Variants in MYO9A observed in about 807,000 individuals in gnomAD.
MYO9A encodes the protein myosin IXA.
A neutral mutation model predicts 293.3 loss-of-function variants in MYO9A; 103 were observed. That is an observed-to-expected ratio of 0.35 (90% confidence interval 0.30 to 0.41). The LOEUF (loss-of-function observed/expected upper bound fraction) is 0.41. MYO9A is among the 10% of genes least tolerant of loss of function. The probability of loss-of-function intolerance (pLI) is 1.00; values close to 1 mark genes in which losing one functional copy is unlikely to be tolerated. For missense variants in MYO9A, 2,685 were observed against 3,033.0 expected, an observed-to-expected ratio of 0.89 and a Z score of 2.69; for synonymous variants, 1,001 against 1,035.7, an observed-to-expected ratio of 0.97 and a Z score of 0.64.
At chr15:71,937,236 T>C (rs774058998) in intron 16 of MYO9A, among the ~76,000 whole-genome samples, 6 of 152,242 alleles carry the variant, frequency 3.9e-5, no homozygotes, top group South Asian at 4.1e-4. Context: ...TTTGAGAGGA[T>C]TGACTCCAAT....
At chr15:72,023,695 C>CAAAAAAAAA (rs368209775) in intron 4 of MYO9A, among the ~76,000 whole-genome samples, 1 of 51,300 alleles carries the variant, frequency 1.9e-5, no homozygotes, top group African/African-American at 5.8e-5. Context: ...AACTCTGTCT[C>CAAAAAAAAA]AAAAAAAAAA....
At chr15:71,954,179 C>T (rs1019295098) in intron 14 of MYO9A, among the ~76,000 whole-genome samples, 3 of 151,286 alleles carry the variant, frequency 2.0e-5, no homozygotes, top group African/African-American at 7.3e-5. Flanking sequence ...CAGGCATGAG[C>T]CACTGTGCCC....
At chr15:71,830,974 T>G in intron 39 of MYO9A, among the ~76,000 whole-genome samples, 1 of 69,422 alleles carries the variant, frequency 1.4e-5, no homozygotes, top group South Asian at 4.4e-4. Flanking sequence ...TGCTTCTTCC[T>G]TTTTTTTTTT....
At chr15:72,019,773 G>A (rs1005139878) in intron 5 of MYO9A, among the ~76,000 whole-genome samples, 3 of 151,628 alleles carry the variant, frequency 2.0e-5, no homozygotes, top group East Asian at 1.9e-4. Context: ...TTTTTGAGAC[G>A]GAGTCTCGCT....
chr15:71,970,068 T>C (rs573327994), intron 12 of MYO9A, among the ~76,000 whole-genome samples: 6 of 152,348 alleles, frequency 3.9e-5, no homozygotes, highest in African/African-American at 1.2e-4. Context: ...CTGCCTTAAA[T>C]GAATGCTCTA....
intron 14 of MYO9A, among the ~76,000 whole-genome samples, chr15:71,957,013 G>A (rs1195481225): frequency 6.6e-6 from 1 of 151,822 alleles, no homozygotes; most frequent in Admixed American, 6.6e-5. Context: ...TGGAACATTT[G>A]GGTTGTCTCT....
intron 27 of MYO9A, among the ~76,000 whole-genome samples, chr15:71,887,784 G>A (rs1023573354): frequency 6.6e-6 from 1 of 152,034 alleles, no homozygotes; most frequent in Non-Finnish European, 1.5e-5. Context: ...AACTTATGAG[G>A]GTTGAGGGAA....
At chr15:71,905,762 CAAAAAAAAAA>C (rs3086807) in intron 19 of MYO9A, among the ~76,000 whole-genome samples, 10 of 71,910 alleles carry the variant, frequency 1.4e-4, no homozygotes, top group East Asian at 5.1e-4. Flanking sequence ...GACTCTGTCT[CAAAAAAAAAA>C]AAAAAAAAAA....
At chr15:72,047,040 G>A (rs552817529) in intron 1 of MYO9A, among the ~76,000 whole-genome samples, 3 of 152,114 alleles carry the variant, frequency 2.0e-5, no homozygotes, top group East Asian at 1.9e-4. Context: ...ATTTCTTAAG[G>A]ATAAAGCAAA....
intron 6 of MYO9A, among the ~76,000 whole-genome samples, chr15:72,012,358 G>A (rs534415601): frequency 5.9e-5 from 9 of 151,964 alleles, no homozygotes; most frequent in South Asian, 2.1e-4. Context: ...GCAATGACGC[G>A]ATGTCTGCTC....
intron 1 of MYO9A, among the ~76,000 whole-genome samples, chr15:72,077,190 A>T (rs544813258): frequency 6.6e-6 from 1 of 152,276 alleles, no homozygotes; most frequent in African/African-American, 2.4e-5. Context: ...ATAAGAGAAA[A>T]TCTTGCTAAT....
At chr15:72,102,766 C>T (rs2080401157) in intron 1 of MYO9A, among the ~76,000 whole-genome samples, 1 of 151,820 alleles carries the variant, frequency 6.6e-6, no homozygotes, top group Non-Finnish European at 1.5e-5. Flanking sequence ...ACATTTTTCC[C>T]TTGAGATGAG....
intron 1 of MYO9A, among the ~76,000 whole-genome samples, chr15:72,046,990 G>T (rs2149703011): frequency 6.6e-6 from 1 of 152,256 alleles, no homozygotes; most frequent in Non-Finnish European, 1.5e-5. Context: ...ACTGGATTAA[G>T]ACAGAATAAC....
At chr15:72,038,308 T>C (rs1414718323) in intron 2 of MYO9A, among the ~76,000 whole-genome samples, 3 of 151,498 alleles carry the variant, frequency 2.0e-5, no homozygotes, top group Admixed American at 6.6e-5. Flanking sequence ...TTTAAAAGAG[T>C]TGAAGCTATA....
In MYO9A at chr15:71,919,821, G is replaced by A. The variant is rs549295446; in HGVS notation, c.2563-3329C>T. On this transcript the variant is annotated intron_variant, in intron 18 of 41. Coordinates refer to ENST00000356056, the MANE Select transcript of MYO9A (RefSeq NM_006901.4). ...CGCACCACTGCACTCCAGCCAGGGC[G>A]ACAGAATAAGACTCCATCTCAAAAA... Among the ~76,000 whole-genome samples the A allele has an allele frequency of 7.6e-5, 8 of 105,442 alleles. No homozygotes were observed. The South Asian group carries it at 2.0e-3, about 26-fold the overall frequency. The allele number at this position is 105,442 out of a possible 152,430, so 69.2% of individuals were successfully genotyped here.
intron 12 of MYO9A, among the ~76,000 whole-genome samples, chr15:71,968,633 G>C (rs961846196): frequency 6.6e-6 from 1 of 152,004 alleles, no homozygotes; most frequent in African/African-American, 2.4e-5. Flanking sequence ...CTGATCAACT[G>C]AGCACTTAAT....
intron 18 of MYO9A, among the ~76,000 whole-genome samples, chr15:71,930,406 A>G (rs920313088): frequency 3.3e-5 from 5 of 152,102 alleles, no homozygotes; most frequent in African/African-American, 1.2e-4. Context: ...ATATATTTAA[A>G]ATTGTTACAT....
In MYO9A at chr15:71,898,306, A is replaced by G. The variant is rs1191885719; in HGVS notation, c.4197T>C (p.Ser1399=). The G allele has an allele frequency of 1.4e-5, 23 of 1,613,962 alleles. No individual in the cohort carries two copies. Among genetic ancestry groups the G allele is most frequent in the Non-Finnish European group, 1.9e-5 (22 of 1,180,042 alleles). The change falls in exon 25 of 42, where the codon TCT becomes TCC. Residue 1399 remains serine (S), a synonymous_variant. Transcript: ENST00000356056. ...GCTGTGGTTTACAGGTAATAGACTC[A>G]GAACTGCAGACCACCATTTCCTTCA... ...GTMKEMVVCS[S]ESITCKPQLK... is the part of the protein sequence containing the mutation.
chr15:71,925,505 T>G (rs1164211353), intron 18 of MYO9A, among the ~76,000 whole-genome samples: 2 of 151,940 alleles, frequency 1.3e-5, no homozygotes, highest in African/African-American at 4.8e-5. Context: ...TTTTGGTGGT[T>G]TTCTGGAGAG....
Sources: allele counts gnomAD v4.1 joint callset (sites outside exome capture counted in the v4.1 genomes callset), GRCh38; gene constraint gnomAD v4.1.1; transcripts MANE v1.5; gene names NCBI Gene and HGNC (gene_info 2026-07-23, HGNC 2026-07-21).